TRHDE: variants seen among roughly 807,000 people sequenced by gnomAD.
The protein encoded by TRHDE is thyrotropin-releasing hormone-degrading ectoenzyme.
A neutral mutation model predicts 125.7 loss-of-function variants in TRHDE; 72 were observed. The observed-to-expected ratio is 0.57, with a 90% CI of 0.47 to 0.70. The LOEUF is 0.70. TRHDE is among the 30% of genes least tolerant of loss of function. TRHDE has a pLI of 0.00. For missense variants in TRHDE, 1,110 were observed against 1,327.1 expected, an observed-to-expected ratio of 0.84 and a Z score of 2.54; for synonymous variants, 509 against 509.1, an observed-to-expected ratio of 1.00 and a Z score of 0.00.
At chr12:72,087,718 G>A (rs1208118361) in intron 1 of TRHDE, among the ~76,000 whole-genome samples, 1 of 152,060 alleles carries the variant, frequency 6.6e-6, no homozygotes, top group Non-Finnish European at 1.5e-5. Flanking sequence ...TTAGAGTGAT[G>A]AAGGCTTGGA....
At chr12:72,406,113 A>G (rs966514632) in intron 3 of TRHDE, among the ~76,000 whole-genome samples, 3 of 152,178 alleles carry the variant, frequency 2.0e-5, no homozygotes, top group Admixed American at 1.3e-4. Flanking sequence ...CAAGGCTTTT[A>G]TATAAAATAA....
intron 1 of TRHDE, among the ~76,000 whole-genome samples, chr12:72,280,277 T>C (rs1347349261): frequency 6.6e-6 from 1 of 152,212 alleles, no homozygotes; most frequent in African/African-American, 2.4e-5. Flanking sequence ...ACATCAGTAA[T>C]AAAGCACTTA....
intron 2 of TRHDE, among the ~76,000 whole-genome samples, chr12:72,316,065 A>G (rs1188455438): frequency 6.6e-6 from 1 of 152,166 alleles, no homozygotes. Context: ...AGCCGCCAGC[A>G]TAATAGCTGG....
chr12:72,280,064 AGT>A (rs529263549), intron 1 of TRHDE, among the ~76,000 whole-genome samples: 277 of 152,176 alleles, frequency 1.8e-3, no homozygotes, highest in Non-Finnish European at 3.1e-3. Flanking sequence ...TGGATGGAAA[AGT>A]GTGTGTGTAT....
intron 6 of TRHDE, among the ~76,000 whole-genome samples, chr12:72,508,422 G>A (rs566414121): frequency 6.6e-6 from 1 of 152,210 alleles, no homozygotes; most frequent in Non-Finnish European, 1.5e-5. Context: ...AAGACATGGA[G>A]TCAAAGGAGG....
intron 3 of TRHDE, among the ~76,000 whole-genome samples, chr12:72,440,845 C>G (rs1874976558): frequency 6.6e-6 from 1 of 151,886 alleles, no homozygotes; most frequent in Non-Finnish European, 1.5e-5. Context: ...TGATAGCAAC[C>G]AGGACTTCAA....
At chr12:72,540,244 G>A (rs1869077720) in intron 6 of TRHDE, among the ~76,000 whole-genome samples, 1 of 151,640 alleles carries the variant, frequency 6.6e-6, no homozygotes, top group Non-Finnish European at 1.5e-5. Context: ...ATGTTCAGAT[G>A]GGTAACATAG....
chr12:72,556,907 G>A (rs916717817), intron 7 of TRHDE, among the ~76,000 whole-genome samples: 1 of 152,154 alleles, frequency 6.6e-6, no homozygotes, highest in Admixed American at 6.5e-5. Context: ...ACTTCCCAGT[G>A]TCAATGAGTC....
intron 2 of TRHDE, among the ~76,000 whole-genome samples, chr12:72,161,620 T>C (rs965042690): frequency 1.2e-4 from 19 of 152,160 alleles, no homozygotes; most frequent in Non-Finnish European, 2.9e-5. Context: ...AGCTTTTTTT[T>C]CTGGGTTATC....
intron 12 of TRHDE, among the ~76,000 whole-genome samples, chr12:72,608,643 A>T (rs1872535072): frequency 6.6e-6 from 1 of 152,198 alleles, no homozygotes; most frequent in Admixed American, 6.5e-5. Flanking sequence ...AGGAGTATTT[A>T]CAATGAGTTC....
At chr12:72,190,061 T>C (rs150946672) in intron 2 of TRHDE, among the ~76,000 whole-genome samples, 1 of 152,320 alleles carries the variant, frequency 6.6e-6, no homozygotes, top group Non-Finnish European at 1.5e-5. Flanking sequence ...ACTGAAAGTC[T>C]GACCACGTAA....
intron 3 of TRHDE, among the ~76,000 whole-genome samples, chr12:72,457,626 G>C (rs926044629): frequency 6.8e-6 from 1 of 147,934 alleles, no homozygotes; most frequent in African/African-American, 2.5e-5. Flanking sequence ...TACAGTTTTA[G>C]ACTAAGAACC....
intron 2 of TRHDE, among the ~76,000 whole-genome samples, chr12:72,200,126 A>G (rs530465902): frequency 3.9e-5 from 6 of 152,180 alleles, no homozygotes; most frequent in Non-Finnish European, 8.8e-5. Context: ...TATTTCTTGC[A>G]TATTGATGGA....
At chr12:72,583,751 AG>A (rs1478082118) in intron 12 of TRHDE, among the ~76,000 whole-genome samples, 9 of 152,204 alleles carry the variant, frequency 5.9e-5, no homozygotes, top group Admixed American at 2.6e-4. Context: ...TCAAGGTTAG[AG>A]ATTGAGTTAA....
At chr12:72,517,124 G>A (rs1878910119) in intron 6 of TRHDE, among the ~76,000 whole-genome samples, 1 of 151,698 alleles carries the variant, frequency 6.6e-6, no homozygotes, top group Non-Finnish European at 1.5e-5. Context: ...TTGTGTCTCT[G>A]CCAGGCTTTG....
chr12:72,129,811 TA>T (rs1875818468), intron 2 of TRHDE, among the ~76,000 whole-genome samples: 1 of 152,210 alleles, frequency 6.6e-6, no homozygotes. Flanking sequence ...AATCCAATAA[TA>T]GTTCTCTATT....
rs1270524776 is a variant in TRHDE at position 72,636,456 on chromosome 12, C to A, written c.2675+14705C>A. On this transcript the variant is annotated intron_variant, in intron 15 of 18. Transcript: ENST00000261180. ...CAATCATGTTGTCTGCAAACAGGGA[C>A]AATTTGACTTCCTCTTTTCCTAATT... Among the ~76,000 whole-genome samples, 6 of 151,556 alleles carry A rather than the reference C, an allele frequency of 4.0e-5. No homozygotes were observed. In the South Asian group the frequency reaches 8.4e-4, roughly 21 times the overall value.
chr12:72,349,593 T>C (rs1870490169), intron 2 of TRHDE, among the ~76,000 whole-genome samples: 1 of 151,994 alleles, frequency 6.6e-6, no homozygotes, highest in Admixed American at 6.6e-5. Flanking sequence ...TACACATCCT[T>C]ACAGTGTTCA....
At chr12:72,337,320 C>T (rs1370974608) in intron 2 of TRHDE, among the ~76,000 whole-genome samples, 1 of 152,130 alleles carries the variant, frequency 6.6e-6, no homozygotes, top group Non-Finnish European at 1.5e-5. Context: ...AGTCATGCTC[C>T]TCATGCAGGG....
Sources: gnomAD v4.1 joint callset for allele counts (sites outside exome capture counted in the v4.1 genomes callset) on GRCh38, gnomAD v4.1.1 for gene constraint, MANE v1.5 for transcripts, NCBI Gene and HGNC (gene_info 2026-07-23, HGNC 2026-07-21) for gene names.